The following CPB2 variants were observed in gnomAD, a reference collection of about 807,000 sequenced individuals.
The protein encoded by CPB2 is carboxypeptidase B-like protein.
CPB2 carries 54 observed loss-of-function variants against 57.0 expected under a neutral mutation model. That is an observed-to-expected ratio of 0.95 (90% CI 0.76 to 1.19). The LOEUF (loss-of-function observed/expected upper bound fraction) is 1.19, where lower values mean the gene tolerates loss of function less well. Among genes scored for constraint, CPB2 ranks in the 50% most tolerant of loss-of-function variants. The pLI, the probability that CPB2 is intolerant of heterozygous loss-of-function variation, is 0.00. For missense variants in CPB2, 426 were observed against 512.0 expected, an observed-to-expected ratio of 0.83 and a Z score of 1.62; for synonymous variants, 189 against 178.1, an observed-to-expected ratio of 1.06 and a Z score of -0.49.
rs939912224 is a variant in CPB2 at position 46,095,908 on chromosome 13, T to C, written c.75-8088A>G. 2.4e-5 allele frequency among the ~76,000 whole-genome samples: 3 copies of C among 123,002 alleles called. No individual in the cohort carries two copies. The South Asian group carries it at 7.2e-4, about 30-fold the overall frequency. 80.7% of individuals were successfully genotyped at this position (123,002 alleles called of 152,430 possible). On this transcript the variant is annotated intron_variant, in intron 1 of 10. Coordinates refer to ENST00000181383, the MANE Select transcript of CPB2 (RefSeq NM_001872.5). ...TTTTTTTTTTTTTTTTGAGACAGAG[T>C]TTTGCTCTTGTCACCCAGGCTGGAG...
At chr13:46,095,027 G>T (rs1396018701) in intron 1 of CPB2, 2 of 152,122 alleles carry the variant, frequency 1.3e-5, no homozygotes, top group African/African-American at 4.8e-5. Context: ...TGGGGAAAGG[G>T]TAATACTCAA....
At chr13:46,062,653 A>C (rs918588731) in intron 8 of CPB2, among the ~76,000 whole-genome samples, 3 of 152,080 alleles carry the variant, frequency 2.0e-5, no homozygotes, top group Admixed American at 1.3e-4. Context: ...AGAGCAACTA[A>C]ATTCATTCAT....
chr13:46,062,353 T>A (rs2044787455), intron 8 of CPB2, among the ~76,000 whole-genome samples: 1 of 152,188 alleles, frequency 6.6e-6, no homozygotes, highest in Non-Finnish European at 1.5e-5. Context: ...GGAAGGGACT[T>A]AACTGTTTTC....
chr13:46,066,296 A>G (rs1241162614), intron 7 of CPB2, among the ~76,000 whole-genome samples: 1 of 152,220 alleles, frequency 6.6e-6, no homozygotes, highest in Non-Finnish European at 1.5e-5. Context: ...GTAATTTTAC[A>G]TGAATCACAA....
chr13:46,102,377 C>A (rs993230050), intron 1 of CPB2, among the ~76,000 whole-genome samples: 1 of 152,056 alleles, frequency 6.6e-6, no homozygotes, highest in African/African-American at 2.4e-5. Flanking sequence ...AATATGGAGT[C>A]ATGATTTTTT....
At chr13:46,064,969 A>T (rs1300020577) in intron 7 of CPB2, among the ~76,000 whole-genome samples, 1 of 152,168 alleles carries the variant, frequency 6.6e-6, no homozygotes, top group African/African-American at 2.4e-5. Context: ...ACCAAACATA[A>T]TGGTAATATT....
At chr13:46,090,440 G>A (rs2045275389) in intron 1 of CPB2, among the ~76,000 whole-genome samples, 2 of 151,004 alleles carry the variant, frequency 1.3e-5, no homozygotes, top group South Asian at 2.1e-4. Context: ...TTGGCTCAGT[G>A]CAACCTCCGC....
Position 46,055,836 on chromosome 13 carries a change from C to T in CPB2, c.1013G>A (p.Ser338Asn). 6.3e-7 allele frequency: 1 copy of T among 1,596,242 alleles called. No homozygotes were observed. The highest frequency in any genetic ancestry group is 8.6e-7 in the Non-Finnish European group (1 of 1,167,392). Reference sequence around the variant, plus strand: ...TTTCTCAATAGCACGAACTGCTTCACTGGCTACTAGAGACTGGAAGCAACA... The same window carrying T: ...TTTCTCAATAGCACGAACTGCTTCATTGGCTACTAGAGACTGGAAGCAACA... ...KDHEELSLVA[S>N]EAVRAIEKIS... The change falls in exon 10 of 11, where the codon AGT (serine) becomes AAT (asparagine). Residue 338 changes from serine to asparagine, a missense_variant. Transcript: ENST00000181383.
At chr13:46,084,156 C>T in intron 3 of CPB2, 63 bp downstream of exon 3, 3 of 1,581,474 alleles carry the variant, frequency 1.9e-6, no homozygotes, top group Non-Finnish European at 2.6e-6. Context: ...TTATACCATA[C>T]CCTAGTCAAG....
At chr13:46,055,309 A>G (rs2044682853) in intron 10 of CPB2, among the ~76,000 whole-genome samples, 1 of 152,204 alleles carries the variant, frequency 6.6e-6, no homozygotes, top group Non-Finnish European at 1.5e-5. Flanking sequence ...TGTGTGTAAT[A>G]TATATTAAAG....
At chr13:46,095,587 A>G (rs1338660561) in intron 1 of CPB2, among the ~76,000 whole-genome samples, 2 of 152,206 alleles carry the variant, frequency 1.3e-5, no homozygotes, top group Non-Finnish European at 2.9e-5. Flanking sequence ...TGCGCTGGAT[A>G]TGTCAGTCGG....
chr13:46,087,629 T>A, intron 2 of CPB2, 116 bp downstream of exon 2: 1 of 697,990 alleles, frequency 1.4e-6, no homozygotes, highest in Non-Finnish European at 2.5e-6. Context: ...GAGAAGACTA[T>A]GAGAAGAAGA....
intron 1 of CPB2, among the ~76,000 whole-genome samples, chr13:46,095,876 C>CTTT (rs34686626): frequency 0.012 from 1,001 of 85,598 alleles, 29 homozygotes; most frequent in African/African-American, 0.013. Context: ...GGCTATAGGA[C>CTTT]TTTTTTTTTT....
intron 6 of CPB2, among the ~76,000 whole-genome samples, chr13:46,072,384 A>G (rs932641297): frequency 2.0e-5 from 3 of 152,208 alleles, no homozygotes; most frequent in African/African-American, 7.2e-5. Context: ...TAAGAGAGTC[A>G]GATGATCTGA....
chr13:46,070,042 A>T (rs1368976394), intron 6 of CPB2, among the ~76,000 whole-genome samples: 4 of 152,230 alleles, frequency 2.6e-5, no homozygotes, highest in Non-Finnish European at 5.9e-5. Flanking sequence ...CAATGACTTC[A>T]CTTATGATTT....
At chr13:46,071,680 A>G (rs558346467) in intron 6 of CPB2, among the ~76,000 whole-genome samples, 1 of 152,330 alleles carries the variant, frequency 6.6e-6, no homozygotes, top group South Asian at 2.1e-4. Context: ...TAAGTTTCTG[A>G]GAAGAGAAGG....
intron 1 of CPB2, among the ~76,000 whole-genome samples, chr13:46,090,155 A>G (rs1422976239): frequency 6.6e-6 from 1 of 150,716 alleles, no homozygotes; most frequent in Non-Finnish European, 1.5e-5. Flanking sequence ...GCCCTGCCCA[A>G]TTCTTTTTTT....
chr13:46,062,817 C>CTTT (rs2044794705), intron 8 of CPB2, among the ~76,000 whole-genome samples: 1 of 152,120 alleles, frequency 6.6e-6, no homozygotes. Context: ...GTTTGGTTTT[C>CTTT]TTTTGTTTTA....
chr13:46,097,047 T>C (rs563810875), intron 1 of CPB2: 1 of 152,310 alleles, frequency 6.6e-6, no homozygotes, highest in South Asian at 2.1e-4. Context: ...GGGATGTGAA[T>C]GGAACTATGA....
Sources: gnomAD v4.1 joint callset for allele counts (sites outside exome capture counted in the v4.1 genomes callset) on GRCh38, gnomAD v4.1.1 for gene constraint, MANE v1.5 for transcripts, NCBI Gene and HGNC (gene_info 2026-07-23, HGNC 2026-07-21) for gene names.